AGPS: variants seen among roughly 807,000 people sequenced by gnomAD.
AGPS encodes the protein alkyldihydroxyacetonephosphate synthase, peroxisomal.
In AGPS, 26 loss-of-function variants were observed where a neutral mutation model predicts 90.7. That is an observed-to-expected ratio of 0.29 (90% CI 0.21 to 0.40). AGPS has a LOEUF of 0.40. AGPS is among the 10% of genes least tolerant of loss of function. The probability of loss-of-function intolerance (pLI) is 1.00; values close to 1 mark genes in which losing one functional copy is unlikely to be tolerated. For missense variants in AGPS, 540 were observed against 816.1 expected (o/e 0.66, Z 4.12); for synonymous variants, 294 against 285.3 (o/e 1.03, Z -0.31).
chr2:177,439,134 GC>G (rs1192309831), intron 5 of AGPS, among the ~76,000 whole-genome samples: 3 of 152,168 alleles, frequency 2.0e-5, no homozygotes, highest in Non-Finnish European at 2.9e-5. Flanking sequence ...TAGTATTTAT[GC>G]ATTATTTTCA....
chr2:177,399,530 G>A (rs1357189328), intron 1 of AGPS, among the ~76,000 whole-genome samples: 3 of 152,076 alleles, frequency 2.0e-5, no homozygotes, highest in African/African-American at 4.8e-5. Context: ...GTTGGAGATC[G>A]TGGCTTAGAT....
intron 12 of AGPS, among the ~76,000 whole-genome samples, chr2:177,496,745 T>C (rs886671535): frequency 2.0e-5 from 3 of 152,090 alleles, no homozygotes; most frequent in Admixed American, 2.0e-4. Context: ...TTATAAAAAA[T>C]GGATAGAAAA....
intron 10 of AGPS, among the ~76,000 whole-genome samples, chr2:177,469,950 G>T (rs1687564226): frequency 6.6e-6 from 1 of 152,134 alleles, no homozygotes; most frequent in Admixed American, 6.5e-5. Flanking sequence ...CAAATTACAT[G>T]ATCAAGTAAA....
intron 8 of AGPS, among the ~76,000 whole-genome samples, chr2:177,459,606 A>G (rs1476937856): frequency 6.6e-6 from 1 of 152,274 alleles, no homozygotes; most frequent in Non-Finnish European, 1.5e-5. Flanking sequence ...TGCAAATCAA[A>G]ACCACAATGA....
At chr2:177,466,891 G>A (rs971637765) in intron 9 of AGPS, among the ~76,000 whole-genome samples, 3 of 152,188 alleles carry the variant, frequency 2.0e-5, no homozygotes, top group Non-Finnish European at 2.9e-5. Flanking sequence ...GTCCAGGAGG[G>A]TAGGATTCCT....
chr2:177,447,802 C>T (rs1308112529), intron 8 of AGPS, among the ~76,000 whole-genome samples: 1 of 152,022 alleles, frequency 6.6e-6, no homozygotes, highest in Non-Finnish European at 1.5e-5. Context: ...AAAAGTTCTT[C>T]CTCATTAAAC....
At chr2:177,493,426 G>A (rs958549146) in intron 12 of AGPS, among the ~76,000 whole-genome samples, 5 of 152,206 alleles carry the variant, frequency 3.3e-5, no homozygotes, top group African/African-American at 1.2e-4. Context: ...TGAAGGAATT[G>A]ATTCTTCTTG....
At chr2:177,409,024 T>A (rs1230705707) in intron 1 of AGPS, among the ~76,000 whole-genome samples, 1 of 152,186 alleles carries the variant, frequency 6.6e-6, no homozygotes, top group Non-Finnish European at 1.5e-5. Flanking sequence ...TGAGAACCTC[T>A]GTTGTTGTGA....
At chr2:177,394,919 A>G (rs1685130310) in intron 1 of AGPS, among the ~76,000 whole-genome samples, 1 of 152,178 alleles carries the variant, frequency 6.6e-6, no homozygotes, top group Non-Finnish European at 1.5e-5. Flanking sequence ...AAATGCTGGG[A>G]TTCTGAACTA....
At chr2:177,446,953 GT>G (rs1227235523) in intron 8 of AGPS, among the ~76,000 whole-genome samples, 2 of 151,982 alleles carry the variant, frequency 1.3e-5, no homozygotes, top group African/African-American at 4.8e-5. Context: ...AAAACTTTAG[GT>G]TTCTTTCATA....
intron 11 of AGPS, among the ~76,000 whole-genome samples, chr2:177,492,423 T>G (rs190795818): frequency 5.8e-4 from 88 of 152,354 alleles, no homozygotes; most frequent in Admixed American, 2.1e-3. Context: ...TGAAGAAAAC[T>G]GATTTTCCTT....
At chr2:177,523,387 T>G (rs1689255286) in intron 18 of AGPS, among the ~76,000 whole-genome samples, 1 of 152,228 alleles carries the variant, frequency 6.6e-6, no homozygotes, top group Non-Finnish European at 1.5e-5. Flanking sequence ...TAAATTTTAG[T>G]CACTTTGTTG....
intron 5 of AGPS, among the ~76,000 whole-genome samples, chr2:177,437,422 T>G: frequency 6.6e-6 from 1 of 152,168 alleles, no homozygotes; most frequent in East Asian, 1.9e-4. Flanking sequence ...TTAGTAATAA[T>G]TTGTTGATAT....
At chr2:177,501,246 C>G (rs1432972734) in intron 14 of AGPS, among the ~76,000 whole-genome samples, 2 of 152,044 alleles carry the variant, frequency 1.3e-5, no homozygotes, top group African/African-American at 4.8e-5. Context: ...TCAGTCGTCT[C>G]TCTGCTCACA....
chr2:177,526,320 C>T (rs1182479801), intron 19 of AGPS, among the ~76,000 whole-genome samples: 1 of 150,928 alleles, frequency 6.6e-6, no homozygotes, highest in African/African-American at 2.4e-5. Context: ...ACCACTGCCT[C>T]CCAGGTTCAA....
chr2:177,503,013 C>CT (rs1015442661), intron 14 of AGPS, among the ~76,000 whole-genome samples: 13 of 151,206 alleles, frequency 8.6e-5, no homozygotes, highest in Admixed American at 2.0e-4. Context: ...TCATCTATCC[C>CT]TTTTTTTTTA....
At chr2:177,493,475 AAG>A (rs767560383) in intron 12 of AGPS, among the ~76,000 whole-genome samples, 5 of 152,224 alleles carry the variant, frequency 3.3e-5, no homozygotes, top group Non-Finnish European at 7.3e-5. Context: ...AGGCTTTTAT[AAG>A]AGAGATGCTT....
rs1283396913 is a variant in AGPS, at chr2:177,543,288, C to T, written c.*5093C>T. On this transcript the variant is annotated 3_prime_UTR_variant, in exon 20 of 20. Transcript: ENST00000264167. ...TCTATTCCTAATATTGTGTGTCAGTCCTTTTTCGTGTGATGGTGCCTTCAG... is the reference window on the plus strand; with the variant it reads ...TCTATTCCTAATATTGTGTGTCAGTTCTTTTTCGTGTGATGGTGCCTTCAG... 1 of 152,134 alleles carries T rather than the reference C, an allele frequency of 6.6e-6. No homozygotes were observed. The highest frequency in any genetic ancestry group is 1.5e-5 in the Non-Finnish European group (1 of 68,030). 9.4% of individuals were successfully genotyped at this position (152,134 alleles called of 1,614,324 possible). A position where few individuals can be genotyped will look rare whatever the true frequency, so the allele number is the denominator to read the frequency against.
intron 2 of AGPS, among the ~76,000 whole-genome samples, chr2:177,424,554 T>C (rs1686025183): frequency 6.6e-6 from 1 of 152,210 alleles, no homozygotes; most frequent in African/African-American, 2.4e-5. Flanking sequence ...TTTAAAATCT[T>C]GAAACAGAAA....
Sources: gnomAD v4.1 joint callset for allele counts (sites outside exome capture counted in the v4.1 genomes callset) on GRCh38, gnomAD v4.1.1 for gene constraint, MANE v1.5 for transcripts, NCBI Gene and HGNC (gene_info 2026-07-23, HGNC 2026-07-21) for gene names.